Variants in UGT1A5 observed in about 807,000 individuals in gnomAD.
UGT1A5 encodes UDP glucuronosyltransferase family 1 member A5.
In UGT1A5, 29 loss-of-function variants were observed where a neutral mutation model predicts 40.3. That is an observed-to-expected ratio of 0.72 (90% CI 0.54 to 0.98). The LOEUF (loss-of-function observed/expected upper bound fraction) is 0.98. Ranked by LOEUF, UGT1A5 falls within the 50% of genes least tolerant of loss-of-function variation. UGT1A5 has a pLI of 0.00. For synonymous variants in UGT1A5, 257 were observed against 262.5 expected (o/e 0.98, Z 0.20); for missense variants, 678 against 677.9 (o/e 1.00, Z 0.00).
At position 233,769,903 on chromosome 2, in the gene UGT1A5, G is replaced by C. The variant is rs1699979126; in HGVS notation, c.1307+1464G>C. On this transcript the variant is annotated intron_variant, in intron 4 of 4. Transcript: ENST00000373414. The surrounding 1 kb of genome is among the most constrained non-coding windows in gnomAD (Gnocchi z 4.4). ...AAAGTCCACATAACCTGAGCATCATGTGCCCAGAGCGTTGGGTGGTGTGGT... is the reference window on the plus strand; with the variant it reads ...AAAGTCCACATAACCTGAGCATCATCTGCCCAGAGCGTTGGGTGGTGTGGT... 1 of 333,056 alleles carries C rather than the reference G, an allele frequency of 3.0e-6. No individual in the cohort carries two copies. The highest frequency in any genetic ancestry group is 6.0e-5 in the East Asian group (1 of 16,780). 20.6% of individuals were successfully genotyped at this position (333,056 alleles called of 1,614,324 possible).
intron 1 of UGT1A5, among the ~76,000 whole-genome samples, chr2:233,759,845 G>C (rs1454775636): frequency 6.6e-6 from 1 of 152,146 alleles, no homozygotes; most frequent in Non-Finnish European, 1.5e-5. Context: ...CACTCTTACA[G>C]GTTTCCATGG....
intron 1 of UGT1A5, among the ~76,000 whole-genome samples, chr2:233,750,203 C>A (rs1694389786): frequency 6.6e-6 from 1 of 151,828 alleles, no homozygotes; most frequent in African/African-American, 2.4e-5. Context: ...GAAGTCCAGG[C>A]TGAGTCTCAG....
intron 1 of UGT1A5, chr2:233,748,161 A>G: frequency 1.3e-6 from 2 of 1,596,158 alleles, no homozygotes; most frequent in South Asian, 2.3e-5. Context: ...TTGCTTCCAT[A>G]TCTACTTATC....
At chr2:233,760,223 T>G (rs1453955510) in intron 1 of UGT1A5, 1 of 1,589,146 alleles carries the variant, frequency 6.3e-7, no homozygotes, top group African/African-American at 1.5e-5. Flanking sequence ...GTGTATCGAT[T>G]GGTTTTTGCC....
chr2:233,744,157 C>T (rs1692711492), intron 1 of UGT1A5: 1 of 298,558 alleles, frequency 3.3e-6, no homozygotes, highest in Non-Finnish European at 6.5e-6. Flanking sequence ...AGACCAGGCC[C>T]CGCCCACTCC....
rs1178293466 is a variant in UGT1A5 at position 233,747,267 on chromosome 2, C to A, written c.868-19767C>A. On this transcript the variant is annotated intron_variant, in intron 1 of 4. Coordinates refer to ENST00000373414, the MANE Select transcript of UGT1A5 (RefSeq NM_019078.2). Reference sequence around the variant, plus strand: ...TGTGGCTGGCCACAGGAGTGCTACTCCTTCTCAGTGCCCAGCCCTGGGCTG... The same window carrying A: ...TGTGGCTGGCCACAGGAGTGCTACTACTTCTCAGTGCCCAGCCCTGGGCTG... 4 of 1,599,414 alleles carry A rather than the reference C, an allele frequency of 2.5e-6. No individual in the cohort carries two copies. In the South Asian group the frequency reaches 3.4e-5, roughly 13 times the overall value.
Position 233,719,236 on chromosome 2 carries a change from G to C in UGT1A5, c.867+5378G>C, listed in dbSNP as rs766129715. The C allele has an allele frequency of 2.5e-5, 41 of 1,614,064 alleles. 1 individual carries two copies. The South Asian group carries it at 4.4e-4, about 17-fold the overall frequency. On this transcript the variant is annotated intron_variant, in intron 1 of 4. Transcript: ENST00000373414. ...CTACTGCATAATGAGGCCCTGATCA[G>C]GCACCTGAATGCTACTTCCTTTGAT...
At position 233,718,993 on chromosome 2, in the gene UGT1A5, CG is replaced by C. The variant is rs757477070; in HGVS notation, c.867+5137del. Reference sequence around the variant, plus strand: ...GAGCTCCATGCCAGAGGCCACCAGGCGGTGGTCCTCACCCCAGAGGTGAATA... The same window carrying C: ...GAGCTCCATGCCAGAGGCCACCAGGCGTGGTCCTCACCCCAGAGGTGAATA... On this transcript the variant is annotated intron_variant, in intron 1 of 4. Coordinates refer to ENST00000373414, the MANE Select transcript of UGT1A5 (RefSeq NM_019078.2). The C allele has an allele frequency of 3.7e-5, 59 of 1,614,208 alleles. No homozygotes were observed. The East Asian group carries it at 9.8e-4, about 27-fold the overall frequency.
chr2:233,766,745 T>C (rs1337689607), intron 1 of UGT1A5, among the ~76,000 whole-genome samples: 1 of 152,196 alleles, frequency 6.6e-6, no homozygotes, highest in Non-Finnish European at 1.5e-5. Flanking sequence ...TGTACAGGTG[T>C]GTGCATGTGT....
chr2:233,747,214 A>G, intron 1 of UGT1A5: 1 of 1,605,450 alleles, frequency 6.2e-7, no homozygotes, highest in South Asian at 1.1e-5. Flanking sequence ...TTCTGCTGAG[A>G]TGGCCACAGG....
intron 1 of UGT1A5, chr2:233,740,958 A>C (rs1691521445): frequency 6.6e-6 from 1 of 151,686 alleles, no homozygotes; most frequent in Non-Finnish European, 1.5e-5. Context: ...GTGTGGTAGC[A>C]TTTCTGTAGT....
At chr2:233,744,461 A>T (rs6741543) in intron 1 of UGT1A5, among the ~76,000 whole-genome samples, 5,148 of 151,990 alleles carry the variant, frequency 0.034, 162 homozygotes, top group African/African-American at 0.052. Context: ...ATTAAAACAG[A>T]ATTAAAAAGA....
chr2:233,740,407 A>T (rs1691384076), intron 1 of UGT1A5, among the ~76,000 whole-genome samples: 1 of 151,962 alleles, frequency 6.6e-6, no homozygotes, highest in South Asian at 2.1e-4. Context: ...AAAATGGGGA[A>T]GTCTCTCTAC....
chr2:233,736,822 C>T (rs1336018032), intron 1 of UGT1A5, among the ~76,000 whole-genome samples: 1 of 152,216 alleles, frequency 6.6e-6, no homozygotes, highest in Non-Finnish European at 1.5e-5. Flanking sequence ...ACTCCAGATG[C>T]TCTTTGCTTT....
chr2:233,717,412 C>T (rs961485519), intron 1 of UGT1A5, among the ~76,000 whole-genome samples: 22 of 152,222 alleles, frequency 1.4e-4, no homozygotes, highest in African/African-American at 5.3e-4. Context: ...ATATGCCTCC[C>T]TTGAGCTGGG....
chr2:233,769,459 A>G lies in UGT1A5; in HGVS notation c.1307+1020A>G. On this transcript the variant is annotated intron_variant, in intron 4 of 4. Coordinates refer to ENST00000373414, the MANE Select transcript of UGT1A5 (RefSeq NM_019078.2). This position sits in a 1 kb window ranked among gnomAD's most constrained non-coding sequence, Gnocchi z 4.4. The stretch of plus-strand genomic sequence containing the variant: ...TGTGTGGGTGCACACGTGTGCATTC[A>G]TATGCGTGTGTGTGTGTGTGCGTGT... 1 of 1,591,312 alleles carries G rather than the reference A, an allele frequency of 6.3e-7. No individual in the cohort carries two copies. Among genetic ancestry groups the G allele is most frequent in the Non-Finnish European group, 8.6e-7 (1 of 1,161,842 alleles).
chr2:233,721,642 T>A (rs1280370811), intron 1 of UGT1A5: 1 of 207,198 alleles, frequency 4.8e-6, no homozygotes. Context: ...ATCTTGAATG[T>A]GGCAGTGGGG....
rs114000345 is a variant in UGT1A5 at position 233,767,118 on chromosome 2, A to G, written c.952A>G (p.Lys318Glu). 1.2e-6 allele frequency: 2 copies of G among 1,614,162 alleles called. No homozygotes were observed. The highest frequency in any genetic ancestry group is 2.2e-5 in the East Asian group (1 of 44,866). The change falls in exon 2 of 5, where the codon AAG becomes GAG. Residue 318 changes from lysine (K) to glutamate (E), a missense_variant. Transcript: ENST00000373414. ...ATCAATGGTCTCAGAAATTCCAGAG[A>G]AGAAAGCTATGGCAATTGCTGATGC... is the stretch of plus-strand genomic sequence containing the variant. ...LGSMVSEIPE[K>E]KAMAIADALG...
At chr2:233,757,538 A>G (rs1235606271) in intron 1 of UGT1A5, among the ~76,000 whole-genome samples, 2 of 109,774 alleles carry the variant, frequency 1.8e-5, no homozygotes, top group East Asian at 2.1e-4. Context: ...TGTAAGGAAT[A>G]TATATATATA....
Sources: gnomAD v4.1 joint callset for allele counts (sites outside exome capture counted in the v4.1 genomes callset) on GRCh38, gnomAD v4.1.1 for gene constraint, Gnocchi (gnomAD v3.1) non-coding constraint, MANE v1.5 for transcripts, NCBI Gene and HGNC (gene_info 2026-07-23, HGNC 2026-07-21) for gene names.